The following PLXNA4 variants were observed in gnomAD, a reference collection of about 807,000 sequenced individuals.
PLXNA4 encodes the protein plexin-A4.
Under a neutral mutation model 191.8 loss-of-function variants are expected in PLXNA4, and 44 were observed. The observed-to-expected ratio is 0.23, with a 90% confidence interval of 0.18 to 0.29. The LOEUF is 0.29. Ranked by LOEUF, PLXNA4 falls within the 10% of genes least tolerant of loss-of-function variation. The pLI, the probability that PLXNA4 is intolerant of heterozygous loss-of-function variation, is 1.00. For synonymous variants in PLXNA4, 1,082 were observed against 1,009.5 expected (o/e 1.07, Z -1.36); for missense variants, 1,800 against 2,488.8 (o/e 0.72, Z 5.89).
Position 132,180,731 on chromosome 7 carries a change from C to T in PLXNA4, c.3494G>A (p.Gly1165Asp). ...AGCCACAGGCGGGATCAGGTTCTTG[C>T]CCTGTACAAATGGGAAAGCACCAGT... The part of the protein sequence containing the change: ...LKPGTPIILK[G>D]KNLIPPVAGG... Residue 1165 changes from glycine (G) to aspartate (D), a missense_variant and splice_region_variant, in exon 19 of 32, where the codon GGC becomes GAC. Gly to Asp is a moderately conservative substitution (Grantham distance 94). Transcript: ENST00000321063. The T allele has an allele frequency of 6.2e-7, 1 of 1,613,440 alleles. No homozygotes were observed. The highest frequency in any genetic ancestry group is 8.5e-7 in the Non-Finnish European group (1 of 1,179,464).
chr7:132,549,587 C>T (rs1800465932), intron 1 of PLXNA4, among the ~76,000 whole-genome samples: 1 of 152,136 alleles, frequency 6.6e-6, no homozygotes, highest in African/African-American at 2.4e-5. Context: ...AGTGAGTGGA[C>T]CCTAAAATCT....
rs191015860 is a variant in PLXNA4 at position 132,322,131 on chromosome 7, T to C, written c.1372-23909A>G. On this transcript the variant is annotated intron_variant, in intron 3 of 31. Transcript: ENST00000321063. ...ACTCGGGTCTGAGACACACTTTCCA[T>C]TGGGTCTGGAAACCAGGTAGACCAA... 6.4e-4 allele frequency among the ~76,000 whole-genome samples: 97 copies of C among 151,282 alleles called. 2 individuals are homozygous for C. The highest frequency in any genetic ancestry group is 1.9e-4 in the East Asian group (1 of 5,156).
intron 3 of PLXNA4, among the ~76,000 whole-genome samples, chr7:132,332,027 G>A (rs1382933856): frequency 1.3e-5 from 2 of 152,146 alleles, no homozygotes; most frequent in Admixed American, 1.3e-4. Flanking sequence ...TAAAATGCAA[G>A]CTCTGAATAC....
At position 132,203,311 on chromosome 7, in the gene PLXNA4, G is replaced by T; in HGVS notation, c.2395+12C>A. The T allele has an allele frequency of 5.0e-6, 7 of 1,395,048 alleles. No individual in the cohort carries two copies. Among genetic ancestry groups the T allele is most frequent in the Non-Finnish European group, 6.8e-6 (7 of 1,023,456 alleles). 86.4% of individuals were successfully genotyped at this position (1,395,048 alleles called of 1,614,324 possible). A position where few individuals can be genotyped will look rare whatever the true frequency, so the allele number is the denominator to read the frequency against. ...CCCCTCCCTCCCCTGCTAGGCCCCA[G>T]CCCTTCCACACCTTTATTCTGAGCT... On this transcript the variant is annotated intron_variant, in intron 11 of 31. Coordinates refer to ENST00000321063, the MANE Select transcript of PLXNA4 (RefSeq NM_020911.2).
chr7:132,647,426 A>G (rs541120985), intron 1 of PLXNA4, among the ~76,000 whole-genome samples: 1 of 151,852 alleles, frequency 6.6e-6, no homozygotes, highest in South Asian at 2.1e-4. Flanking sequence ...CAATCACACT[A>G]TCATACACAT....
chr7:132,377,606 A>G (rs1050976735), intron 3 of PLXNA4, among the ~76,000 whole-genome samples: 1 of 152,052 alleles, frequency 6.6e-6, no homozygotes, highest in Non-Finnish European at 1.5e-5. Flanking sequence ...CCCCTTCTAC[A>G]ACATCCCTCA....
chr7:132,412,440 TAGG>T (rs1404277109), intron 3 of PLXNA4, among the ~76,000 whole-genome samples: 2 of 151,996 alleles, frequency 1.3e-5, no homozygotes, highest in African/African-American at 4.8e-5. Context: ...ACTGAAATCA[TAGG>T]AGACTTGGGC....
intron 3 of PLXNA4, among the ~76,000 whole-genome samples, chr7:132,335,738 A>AG (rs1318059624): frequency 6.6e-6 from 1 of 152,240 alleles, no homozygotes; most frequent in Non-Finnish European, 1.5e-5. Context: ...AGACAGGAAA[A>AG]GGCAAGGAGA....
chr7:132,151,351 G>A lies in PLXNA4; in HGVS notation c.4661-2705C>T, dbSNP rs1403516483. ...GAAGAAGAAGGAGGAGGAGGAGGAA[G>A]AAGAAGGAGGAGGAGGAGAAAGGAG... On this transcript the variant is annotated intron_variant, in intron 25 of 31. Coordinates refer to ENST00000321063, the MANE Select transcript of PLXNA4 (RefSeq NM_020911.2). 1.3e-3 allele frequency among the ~76,000 whole-genome samples: 82 copies of A among 61,346 alleles called. 3 individuals are homozygous for A. Among genetic ancestry groups the A allele is most frequent in the South Asian group, 5.1e-3 (7 of 1,372 alleles). The allele number at this position is 61,346 out of a possible 152,430, so 40.2% of individuals were successfully genotyped here.
intron 4 of PLXNA4, chr7:132,271,185 C>T (rs1277834919): frequency 6.6e-6 from 1 of 152,092 alleles, no homozygotes; most frequent in African/African-American, 2.4e-5. Context: ...TAAGCGCCCA[C>T]CTGGAAAGGA....
intron 3 of PLXNA4, among the ~76,000 whole-genome samples, chr7:132,327,468 C>G (rs1802419245): frequency 1.3e-5 from 2 of 151,988 alleles, no homozygotes; most frequent in African/African-American, 4.8e-5. Context: ...CCATTCTCAC[C>G]CCTACCCACA....
intron 25 of PLXNA4, among the ~76,000 whole-genome samples, chr7:132,154,308 G>T (rs760259769): frequency 2.9e-4 from 44 of 152,128 alleles, no homozygotes; most frequent in Non-Finnish European, 5.1e-4. Flanking sequence ...CTGGGAGCAG[G>T]CACCGGAGAA....
In PLXNA4 at chr7:132,508,744, T is replaced by G. The variant is rs368224175; in HGVS notation, c.-51A>C. The G allele has an allele frequency of 2.1e-6, 3 of 1,459,414 alleles. No homozygotes were observed. The highest frequency in any genetic ancestry group is 2.7e-6 in the Non-Finnish European group (3 of 1,110,210). The allele number at this position is 1,459,414 out of a possible 1,614,324, so 90.4% of individuals were successfully genotyped here. A position where few individuals can be genotyped will look rare whatever the true frequency, so the allele number is the denominator to read the frequency against. On this transcript the variant is annotated 5_prime_UTR_variant, in exon 2 of 32. Transcript: ENST00000321063. This position sits in a 1 kb window ranked among gnomAD's most constrained non-coding sequence, Gnocchi z 4.4. ...GCAGCACTCAGGCACAGTCGTCCCC[T>G]CAGAGGGCCAGGACTCAGCAATGCA... is the stretch of plus-strand genomic sequence containing the variant.
chr7:132,212,116 C>T (rs1461897416), intron 9 of PLXNA4, among the ~76,000 whole-genome samples: 1 of 152,146 alleles, frequency 6.6e-6, no homozygotes, highest in Non-Finnish European at 1.5e-5. Flanking sequence ...CACCATCCCC[C>T]AGATTCCTCC....
At chr7:132,561,659 T>C (rs886613743) in intron 1 of PLXNA4, among the ~76,000 whole-genome samples, 142 of 80,414 alleles carry the variant, frequency 1.8e-3, no homozygotes, top group Non-Finnish European at 1.9e-3. Flanking sequence ...CTTCCTCCTT[T>C]TCCTCATCCT....
upstream of PLXNA4, among the ~76,000 whole-genome samples, chr7:132,581,219 A>G (rs12533690): frequency 0.038 from 5,787 of 152,264 alleles, 265 homozygotes; most frequent in African/African-American, 0.1. Flanking sequence ...GAACAGTAAA[A>G]CAGAAAGGAG....
intron 2 of PLXNA4, among the ~76,000 whole-genome samples, chr7:132,611,738 G>C (rs2116854623): frequency 6.6e-6 from 1 of 152,372 alleles, no homozygotes; most frequent in South Asian, 2.1e-4. Flanking sequence ...GATACCTGTA[G>C]TGAGAGAGAA....
intron 3 of PLXNA4, among the ~76,000 whole-genome samples, chr7:132,451,206 C>T (rs560664560): frequency 2.6e-5 from 4 of 152,318 alleles, no homozygotes; most frequent in South Asian, 2.1e-4. Context: ...GCCTCATCCA[C>T]GCTGGTCCAG....
intron 3 of PLXNA4, among the ~76,000 whole-genome samples, chr7:132,356,968 G>T (rs1266470078): frequency 6.6e-6 from 1 of 152,158 alleles, no homozygotes; most frequent in Non-Finnish European, 1.5e-5. Context: ...CCTGGGGAAG[G>T]ATTCCTAAGG....
Sources: gnomAD v4.1 joint callset for allele counts (sites outside exome capture counted in the v4.1 genomes callset) on GRCh38, gnomAD v4.1.1 for gene constraint, Gnocchi (gnomAD v3.1) non-coding constraint, MANE v1.5 for transcripts, NCBI Gene and HGNC (gene_info 2026-07-23, HGNC 2026-07-21) for gene names.